Variants in NRG1 observed in about 807,000 individuals in gnomAD.
The protein encoded by NRG1 is neuregulin 1, also known as pro-neuregulin-1, membrane-bound isoform.
A neutral mutation model predicts 63.8 loss-of-function variants in NRG1; 18 were observed. The observed-to-expected ratio is 0.28, with a 90% confidence interval of 0.19 to 0.42. The LOEUF is 0.42. Among genes scored for constraint, NRG1 ranks in the 10% least tolerant of loss-of-function variants. The pLI is 1.00. For missense variants in NRG1, 762 were observed against 814.7 expected, an observed-to-expected ratio of 0.94 and a Z score of 0.79; for synonymous variants, 302 against 301.3, an observed-to-expected ratio of 1.00 and a Z score of -0.02.
At chr8:32,558,586 G>A (rs1835664035) in intron 1 of NRG1, among the ~76,000 whole-genome samples, 1 of 152,184 alleles carries the variant, frequency 6.6e-6, no homozygotes, top group Non-Finnish European at 1.5e-5. Context: ...GCCGCAAAGT[G>A]GCTGTGCCTC....
rs1473561527 is a variant in NRG1 at position 32,035,050 on chromosome 8, T to A, written c.37+395619T>A. On this transcript the variant is annotated intron_variant, in intron 1 of 10. Coordinates refer to the NRG1 transcript ENST00000519301. ...TAGTTGTGGTGTTAGGATGTCAATT[T>A]GAGATTTTTCTAGCTTTTCAATGTG... Among the ~76,000 whole-genome samples the A allele has an allele frequency of 2.0e-5, 3 of 152,214 alleles. No homozygotes were observed. The East Asian group carries it at 5.8e-4, about 29-fold the overall frequency.
intron 1 of NRG1, among the ~76,000 whole-genome samples, chr8:32,491,938 A>G (rs981787210): frequency 1.3e-5 from 2 of 152,178 alleles, no homozygotes; most frequent in African/African-American, 4.8e-5. Flanking sequence ...GAAAAGGTGG[A>G]AAACTAGACT....
intron 1 of NRG1, among the ~76,000 whole-genome samples, chr8:32,375,019 G>A (rs1035107500): frequency 1.3e-5 from 2 of 152,150 alleles, no homozygotes; most frequent in African/African-American, 4.8e-5. Context: ...GTCTGCCTCT[G>A]TCACCCAGGC....
intron 1 of NRG1, among the ~76,000 whole-genome samples, chr8:32,154,740 A>G (rs1427301774): frequency 6.6e-6 from 1 of 152,180 alleles, no homozygotes; most frequent in Non-Finnish European, 1.5e-5. Context: ...TAGAGTTTAA[A>G]CATGAAAATA....
At chr8:32,338,051 C>T (rs1419919904) in intron 1 of NRG1, among the ~76,000 whole-genome samples, 1 of 152,174 alleles carries the variant, frequency 6.6e-6, no homozygotes, top group East Asian at 1.9e-4. Context: ...AGATGACTTA[C>T]TCTTGGCCTT....
At chr8:32,729,456 G>A (rs986354187) in intron 6 of NRG1, among the ~76,000 whole-genome samples, 2 of 152,144 alleles carry the variant, frequency 1.3e-5, no homozygotes, top group African/African-American at 2.4e-5. Flanking sequence ...CATGCAGTGG[G>A]GACATTATTC....
chr8:32,141,461 A>T (rs1260038566), intron 1 of NRG1, among the ~76,000 whole-genome samples: 2 of 151,368 alleles, frequency 1.3e-5, no homozygotes, highest in Admixed American at 1.3e-4. Flanking sequence ...GGCCAGGGAA[A>T]CATTTTGCAT....
At chr8:32,640,620 G>GCACACACACACACACA (rs58796067) in intron 5 of NRG1, among the ~76,000 whole-genome samples, 1 of 132,224 alleles carries the variant, frequency 7.6e-6, no homozygotes, top group Non-Finnish European at 1.6e-5. Context: ...TCTCAGACCC[G>GCACACACACACACACA]CACACACACA....
At chr8:32,137,557 G>A (rs1164709285) in intron 1 of NRG1, among the ~76,000 whole-genome samples, 1 of 152,174 alleles carries the variant, frequency 6.6e-6, no homozygotes, top group Non-Finnish European at 1.5e-5. Context: ...ACAATTGCAT[G>A]CATATGTCAA....
intron 1 of NRG1, among the ~76,000 whole-genome samples, chr8:32,572,306 G>A (rs1450608769): frequency 6.6e-6 from 1 of 152,148 alleles, no homozygotes; most frequent in Non-Finnish European, 1.5e-5. Flanking sequence ...TATAAGCAAT[G>A]TGAATGATCT....
chr8:32,475,426 C>T (rs945904481), intron 1 of NRG1, among the ~76,000 whole-genome samples: 29 of 143,062 alleles, frequency 2.0e-4, no homozygotes, highest in African/African-American at 6.7e-4. Context: ...GATCACGCCA[C>T]TGCACTCCAG....
intron 1 of NRG1, among the ~76,000 whole-genome samples, chr8:32,303,272 T>C (rs1383560167): frequency 6.7e-6 from 1 of 148,640 alleles, no homozygotes; most frequent in African/African-American, 2.5e-5. Flanking sequence ...CCATTTACCA[T>C]GGGGATATAA....
chr8:32,432,901 T>C (rs1237549761), intron 1 of NRG1, among the ~76,000 whole-genome samples: 1 of 152,156 alleles, frequency 6.6e-6, no homozygotes, highest in East Asian at 1.9e-4. Flanking sequence ...TAAATGGTGG[T>C]CAATTACACA....
chr8:31,859,110 A>G (rs1465533156), intron 1 of NRG1, among the ~76,000 whole-genome samples: 1 of 152,230 alleles, frequency 6.6e-6, no homozygotes, highest in Non-Finnish European at 1.5e-5. Flanking sequence ...TAGTTATAAA[A>G]TGATTTAAAA....
chr8:31,682,226 G>T (rs1219203065), intron 1 of NRG1, among the ~76,000 whole-genome samples: 6 of 152,036 alleles, frequency 3.9e-5, no homozygotes, highest in Non-Finnish European at 8.8e-5. Flanking sequence ...TGTCATATTG[G>T]CTTCTTTCGC....
chr8:32,714,934 A>T (rs1290386482), intron 5 of NRG1, among the ~76,000 whole-genome samples: 3 of 152,182 alleles, frequency 2.0e-5, no homozygotes, highest in East Asian at 1.9e-4. Flanking sequence ...ACAGATTTTG[A>T]TAACCTTTTT....
intron 5 of NRG1, among the ~76,000 whole-genome samples, chr8:32,663,873 C>T (rs1640843865): frequency 1.3e-5 from 2 of 152,114 alleles, no homozygotes; most frequent in Admixed American, 1.3e-4. Flanking sequence ...TCAAATTTTA[C>T]CTACTATGCA....
chr8:32,170,251 C>T (rs1428069039), intron 1 of NRG1, among the ~76,000 whole-genome samples: 1 of 152,150 alleles, frequency 6.6e-6, no homozygotes, highest in East Asian at 1.9e-4. Flanking sequence ...CCTTCCTAGA[C>T]CCAAGTGGGG....
At chr8:31,681,991 G>T (rs1808387373) in intron 1 of NRG1, among the ~76,000 whole-genome samples, 1 of 152,048 alleles carries the variant, frequency 6.6e-6, no homozygotes, top group African/African-American at 2.4e-5. Flanking sequence ...ATTAGGGTCT[G>T]CTCTTAGTGC....
Sources: gnomAD v4.1 joint callset for allele counts (sites outside exome capture counted in the v4.1 genomes callset) on GRCh38, gnomAD v4.1.1 for gene constraint, MANE v1.5 for transcripts, NCBI Gene and HGNC (gene_info 2026-07-23, HGNC 2026-07-21) for gene names.